KIAA1217: variants seen among roughly 807,000 people sequenced by gnomAD.
The protein encoded by KIAA1217 is sickle tail protein homolog.
In KIAA1217, 88 loss-of-function variants were observed where a neutral mutation model predicts 163.9. That is an observed-to-expected ratio of 0.54 (90% confidence interval 0.45 to 0.64). The LOEUF (loss-of-function observed/expected upper bound fraction) is 0.64. KIAA1217 is among the 30% of genes least tolerant of loss of function. The probability of loss-of-function intolerance (pLI) is 0.00; values close to 1 mark genes in which losing one functional copy is unlikely to be tolerated. For missense variants in KIAA1217, 2,372 were observed against 2,475.0 expected (o/e 0.96, Z 0.88); for synonymous variants, 903 against 923.1 (o/e 0.98, Z 0.39).
intron 1 of KIAA1217, among the ~76,000 whole-genome samples, chr10:23,959,997 G>A (rs1844753931): frequency 6.9e-6 from 1 of 145,090 alleles, no homozygotes; most frequent in Non-Finnish European, 1.5e-5. Flanking sequence ...CTCACCGCAA[G>A]CTCCTCCTCC....
chr10:24,290,325 A>G (rs898302402), intron 2 of KIAA1217, among the ~76,000 whole-genome samples: 8 of 152,292 alleles, frequency 5.3e-5, no homozygotes, highest in Middle Eastern at 3.4e-3. Flanking sequence ...TTGCATTAAA[A>G]ATATTAAGAG....
intron 1 of KIAA1217, among the ~76,000 whole-genome samples, chr10:23,842,056 T>C (rs1838812996): frequency 6.6e-6 from 1 of 151,866 alleles, no homozygotes; most frequent in African/African-American, 2.4e-5. Context: ...TTAGTAGAGA[T>C]GGGATTTTGC....
intron 2 of KIAA1217, among the ~76,000 whole-genome samples, chr10:24,050,609 G>A (rs1849433290): frequency 6.6e-6 from 1 of 152,152 alleles, no homozygotes; most frequent in South Asian, 2.1e-4. Flanking sequence ...AAGATCAGAT[G>A]GTTGTAGATG....
intron 5 of KIAA1217, among the ~76,000 whole-genome samples, chr10:24,450,200 T>C (rs1461701917): frequency 6.6e-6 from 1 of 152,228 alleles, no homozygotes; most frequent in Non-Finnish European, 1.5e-5. Flanking sequence ...GGAGGGAAAT[T>C]CATATGTGTC....
chr10:24,066,842 C>A (rs939826105), intron 2 of KIAA1217, among the ~76,000 whole-genome samples: 1 of 152,102 alleles, frequency 6.6e-6, no homozygotes, highest in African/African-American at 2.4e-5. Context: ...TTGTTCATTT[C>A]TTTTTATTCT....
intron 2 of KIAA1217, among the ~76,000 whole-genome samples, chr10:24,093,993 T>C (rs1437614332): frequency 6.6e-6 from 1 of 151,996 alleles, no homozygotes. Flanking sequence ...TCATTTTTTA[T>C]GGCTGCATAG....
At position 24,482,998 on chromosome 10, in the gene KIAA1217, C is replaced by T. The variant is rs183353144; in HGVS notation, c.1679+8938C>T. On this transcript the variant is annotated intron_variant, in intron 6 of 20. Coordinates refer to ENST00000376454, the MANE Select transcript of KIAA1217 (RefSeq NM_019590.5). ...TTGCACTACTGCACTCCAGCCTGGG[C>T]AACAGAGCAAGATCCTGTCTCAAAA... is the stretch of plus-strand genomic sequence containing the variant. 1.1e-4 allele frequency: 14 copies of T among 130,712 alleles called. No homozygotes were observed. The Admixed American group carries it at 1.2e-3, about 11-fold the overall frequency. The allele number at this position is 130,712 out of a possible 1,614,324, so 8.1% of individuals were successfully genotyped here.
chr10:24,314,498 T>C (rs1238671032), intron 2 of KIAA1217, among the ~76,000 whole-genome samples: 6 of 152,210 alleles, frequency 3.9e-5, no homozygotes, highest in Non-Finnish European at 7.3e-5. Context: ...CACGTGTACA[T>C]GTGCTCACGC....
chr10:24,150,026 C>A (rs1317141354), intron 2 of KIAA1217, among the ~76,000 whole-genome samples: 1 of 151,630 alleles, frequency 6.6e-6, no homozygotes, highest in Non-Finnish European at 1.5e-5. Flanking sequence ...TTTTCTTTTT[C>A]TTTTTTTTGA....
intron 2 of KIAA1217, among the ~76,000 whole-genome samples, chr10:24,228,853 T>C (rs576554164): frequency 6.6e-6 from 1 of 152,346 alleles, no homozygotes; most frequent in South Asian, 2.1e-4. Flanking sequence ...ATGACGTCAT[T>C]GGCATTTTTA....
chr10:23,752,758 C>T (rs924017271), intron 1 of KIAA1217, among the ~76,000 whole-genome samples: 7 of 152,046 alleles, frequency 4.6e-5, no homozygotes, highest in Non-Finnish European at 1.0e-4. Context: ...TTTATTAAAT[C>T]CTAGGCATTA....
intron 3 of KIAA1217, among the ~76,000 whole-genome samples, chr10:24,429,552 G>A (rs928728650): frequency 6.6e-6 from 1 of 151,930 alleles, no homozygotes; most frequent in Admixed American, 6.6e-5. Context: ...CTGAGATTGC[G>A]TCAACTTTTT....
chr10:24,227,611 C>T (rs560531196), intron 2 of KIAA1217, among the ~76,000 whole-genome samples: 1 of 151,832 alleles, frequency 6.6e-6, no homozygotes, highest in Admixed American at 6.6e-5. Flanking sequence ...TGGCTCACTG[C>T]AAGCTCTGCC....
At chr10:24,033,084 T>G (rs1848251964) in intron 2 of KIAA1217, among the ~76,000 whole-genome samples, 2 of 152,240 alleles carry the variant, frequency 1.3e-5, no homozygotes. Context: ...CTCTTGGCAC[T>G]GACAATTTTA....
intron 1 of KIAA1217, among the ~76,000 whole-genome samples, chr10:23,872,935 C>T (rs975505311): frequency 3.3e-5 from 5 of 151,876 alleles, no homozygotes; most frequent in East Asian, 1.9e-4. Flanking sequence ...TCAGGTTTCC[C>T]GTATTTTTGG....
At chr10:24,114,094 C>T (rs1300236783) in intron 2 of KIAA1217, among the ~76,000 whole-genome samples, 3 of 152,264 alleles carry the variant, frequency 2.0e-5, no homozygotes, top group Non-Finnish European at 2.9e-5. Context: ...TACTATAACT[C>T]TTCCTCACTT....
intron 1 of KIAA1217, among the ~76,000 whole-genome samples, chr10:23,854,635 T>A (rs1488487303): frequency 6.6e-6 from 1 of 152,206 alleles, no homozygotes; most frequent in African/African-American, 2.4e-5. Flanking sequence ...CCCATTATTA[T>A]CGTGTGGGAG....
chr10:24,511,962 C>T (rs921916596), intron 9 of KIAA1217, among the ~76,000 whole-genome samples: 1 of 152,056 alleles, frequency 6.6e-6, no homozygotes, highest in Non-Finnish European at 1.5e-5. Context: ...ATTACTACCC[C>T]TTTTTTGGAT....
intron 2 of KIAA1217, among the ~76,000 whole-genome samples, chr10:24,337,761 A>C (rs1345808160): frequency 1.3e-5 from 2 of 150,932 alleles, no homozygotes; most frequent in South Asian, 4.2e-4. Flanking sequence ...TTCCTGCCTC[A>C]GCCTCCTGAG....
Sources: allele counts gnomAD v4.1 joint callset (sites outside exome capture counted in the v4.1 genomes callset), GRCh38; gene constraint gnomAD v4.1.1; transcripts MANE v1.5; gene names NCBI Gene and HGNC (gene_info 2026-07-23, HGNC 2026-07-21).